The following CSMD1 variants were observed in gnomAD, a reference collection of about 807,000 sequenced individuals.
CSMD1 encodes CUB and Sushi multiple domains 1.
In CSMD1, 213 loss-of-function variants were observed where a neutral mutation model predicts 417.5. That is an observed-to-expected ratio of 0.51 (90% CI 0.46 to 0.57). The LOEUF is 0.57. Among genes scored for constraint, CSMD1 ranks in the 20% least tolerant of loss-of-function variants. The pLI is 0.00. For synonymous variants in CSMD1, 2,862 were observed against 1,736.8 expected (o/e 1.65, Z -16.11); for missense variants, 6,923 against 4,529.7 (o/e 1.53, Z -15.17).
At chr8:2,955,478 C>G (rs1051989187) in intron 64 of CSMD1, 111 bp downstream of exon 64, 1 of 1,008,238 alleles carries the variant, frequency 9.9e-7, no homozygotes, top group African/African-American at 1.6e-5. Context: ...GGCGATGCTG[C>G]AGCCTCATGC....
At chr8:4,717,083 C>T (rs955172119) in intron 1 of CSMD1, among the ~76,000 whole-genome samples, 14 of 151,632 alleles carry the variant, frequency 9.2e-5, no homozygotes, top group African/African-American at 3.4e-4. Context: ...TACCTTCTTC[C>T]CTCTCTGCCC....
At chr8:4,367,974 G>A (rs1802182145) in intron 3 of CSMD1, among the ~76,000 whole-genome samples, 1 of 152,038 alleles carries the variant, frequency 6.6e-6, no homozygotes, top group Admixed American at 6.6e-5. Context: ...GGTGTTCTAG[G>A]TATAGAGTTA....
At position 3,445,846 on chromosome 8, in the gene CSMD1, G is replaced by C. The variant is rs148009690; in HGVS notation, c.1561+22866C>G. ...TGAGGGATTATATCCTTGAAAGAAA[G>C]AGTATAATTCAAGATGGTATGTTAT... On this transcript the variant is annotated intron_variant, in intron 12 of 69. Transcript: ENST00000635120. 8.8e-3 allele frequency among the ~76,000 whole-genome samples: 1,335 copies of C among 152,260 alleles called. 14 individuals are homozygous for C. Among genetic ancestry groups the C allele is most frequent in the African/African-American group, 0.028 (1,160 of 41,548 alleles).
chr8:3,751,239 T>C (rs1797321292), intron 6 of CSMD1, among the ~76,000 whole-genome samples: 1 of 151,918 alleles, frequency 6.6e-6, no homozygotes, highest in Non-Finnish European at 1.5e-5. Context: ...TCATACCTTT[T>C]GACCGTTTTA....
intron 3 of CSMD1, among the ~76,000 whole-genome samples, chr8:4,368,306 T>C (rs933400450): frequency 6.6e-6 from 1 of 152,196 alleles, no homozygotes; most frequent in African/African-American, 2.4e-5. Flanking sequence ...TATGTGTATG[T>C]TAAACCAACT....
chr8:3,520,164 C>A (rs1421478335), intron 10 of CSMD1, among the ~76,000 whole-genome samples: 2 of 151,668 alleles, frequency 1.3e-5, no homozygotes, highest in East Asian at 3.9e-4. Flanking sequence ...GAAACCAGAA[C>A]CGAGAAGAAG....
intron 1 of CSMD1, among the ~76,000 whole-genome samples, chr8:4,785,908 CA>C (rs1797378145): frequency 6.6e-6 from 1 of 152,090 alleles, no homozygotes; most frequent in South Asian, 2.1e-4. Context: ...GTGACAGCAC[CA>C]AAGACTGAAC....
At chr8:4,488,674 A>G (rs1201953410) in intron 2 of CSMD1, among the ~76,000 whole-genome samples, 4 of 148,642 alleles carry the variant, frequency 2.7e-5, no homozygotes, top group African/African-American at 1.0e-4. Flanking sequence ...GAATTACATA[A>G]TCATGGCGGT....
chr8:3,461,832 T>G (rs987886365), intron 12 of CSMD1, among the ~76,000 whole-genome samples: 2 of 152,200 alleles, frequency 1.3e-5, no homozygotes, highest in Non-Finnish European at 2.9e-5. Context: ...CAGCCACACC[T>G]GAGCAGTGCA....
intron 12 of CSMD1, among the ~76,000 whole-genome samples, chr8:3,416,331 T>C (rs1218111214): frequency 6.7e-6 from 1 of 149,170 alleles, no homozygotes; most frequent in Non-Finnish European, 1.5e-5. Flanking sequence ...AAAAAAGTGT[T>C]CTTTAGATAT....
At chr8:4,243,359 G>T (rs990114442) in intron 3 of CSMD1, among the ~76,000 whole-genome samples, 2 of 152,058 alleles carry the variant, frequency 1.3e-5, no homozygotes, top group South Asian at 2.1e-4. Context: ...ATGCAATGCC[G>T]AGAGGGGCCC....
intron 6 of CSMD1, among the ~76,000 whole-genome samples, chr8:3,711,858 A>C (rs1801525695): frequency 6.6e-6 from 1 of 152,218 alleles, no homozygotes; most frequent in Non-Finnish European, 1.5e-5. Context: ...AATAAAGAGC[A>C]TAGAACTCAA....
At chr8:3,879,533 C>A (rs1044436946) in intron 5 of CSMD1, among the ~76,000 whole-genome samples, 2 of 152,266 alleles carry the variant, frequency 1.3e-5, no homozygotes, top group East Asian at 3.9e-4. Context: ...AGCTCCTCCC[C>A]CGCTACAGTC....
intron 5 of CSMD1, among the ~76,000 whole-genome samples, chr8:3,823,616 A>G (rs148655886): frequency 0.023 from 3,556 of 152,278 alleles, 59 homozygotes; most frequent in Middle Eastern, 0.038. Flanking sequence ...CTTGAATCAA[A>G]TAACATTTTT....
intron 12 of CSMD1, among the ~76,000 whole-genome samples, chr8:3,429,305 T>C (rs985006965): frequency 2.0e-5 from 3 of 152,144 alleles, no homozygotes; most frequent in Non-Finnish European, 2.9e-5. Flanking sequence ...GAAATGATAA[T>C]AAAATGCTGA....
chr8:3,572,434 AG>A (rs1317030862), intron 10 of CSMD1, among the ~76,000 whole-genome samples: 1 of 152,046 alleles, frequency 6.6e-6, no homozygotes, highest in African/African-American at 2.4e-5. Flanking sequence ...CTTCCTGGAG[AG>A]CCCCTGATTG....
At chr8:3,453,379 C>A (rs1233724270) in intron 12 of CSMD1, among the ~76,000 whole-genome samples, 1 of 151,920 alleles carries the variant, frequency 6.6e-6, no homozygotes, top group Non-Finnish European at 1.5e-5. Flanking sequence ...GCTCTTGCTT[C>A]TCTGGTTTTT....
intron 3 of CSMD1, among the ~76,000 whole-genome samples, chr8:4,395,247 T>A (rs1411040806): frequency 6.6e-6 from 1 of 152,174 alleles, no homozygotes; most frequent in Non-Finnish European, 1.5e-5. Flanking sequence ...TTTATCTTCT[T>A]TTATCTTCTC....
chr8:3,558,602 G>A (rs56381796), intron 10 of CSMD1, among the ~76,000 whole-genome samples: 1,637 of 109,740 alleles, frequency 0.015, 5 homozygotes, highest in African/African-American at 0.028. Flanking sequence ...ATAGTACCCC[G>A]TGTCCACTCC....
Sources: allele counts gnomAD v4.1 joint callset (sites outside exome capture counted in the v4.1 genomes callset), GRCh38; gene constraint gnomAD v4.1.1; transcripts MANE v1.5; gene names NCBI Gene and HGNC (gene_info 2026-07-23, HGNC 2026-07-21).